Variants in PDSS2 observed in about 807,000 individuals in gnomAD.
PDSS2 encodes all trans-polyprenyl-diphosphate synthase PDSS2.
A neutral mutation model predicts 44.5 loss-of-function variants in PDSS2; 31 were observed. The observed-to-expected ratio is 0.70, with a 90% CI of 0.52 to 0.94. The LOEUF (loss-of-function observed/expected upper bound fraction) is 0.94, where lower values mean the gene tolerates loss of function less well. Among genes scored for constraint, PDSS2 ranks in the 40% least tolerant of loss-of-function variants. PDSS2 has a pLI of 0.00. For missense variants in PDSS2, 452 were observed against 482.2 expected (o/e 0.94, Z 0.59); for synonymous variants, 157 against 180.3 (o/e 0.87, Z 1.03).
At chr6:107,265,235 C>T (rs1357223728) in intron 3 of PDSS2, among the ~76,000 whole-genome samples, 1 of 152,166 alleles carries the variant, frequency 6.6e-6, no homozygotes, top group Admixed American at 6.5e-5. Context: ...GCTAATTTTA[C>T]CCTTGGCAAT....
chr6:107,333,883 A>C (rs537628682), intron 2 of PDSS2, among the ~76,000 whole-genome samples: 1 of 152,272 alleles, frequency 6.6e-6, no homozygotes, highest in Non-Finnish European at 1.5e-5. Context: ...ATCCTGAACT[A>C]AGTGGCACAG....
intron 1 of PDSS2, among the ~76,000 whole-genome samples, chr6:107,417,778 TACAC>T (rs59602150): frequency 0.1 from 14,845 of 146,878 alleles, 1,141 homozygotes; most frequent in African/African-American, 0.2. Context: ...TTAATAATAA[TACAC>T]ACACACACAC....
chr6:107,452,474 C>G (rs1395754837), intron 1 of PDSS2, among the ~76,000 whole-genome samples: 1 of 152,074 alleles, frequency 6.6e-6, no homozygotes, highest in Admixed American at 6.6e-5. Context: ...TCAAGTGATC[C>G]ACCTGCCTCG....
chr6:107,281,805 C>A (rs1375919292), intron 2 of PDSS2, among the ~76,000 whole-genome samples: 1 of 152,174 alleles, frequency 6.6e-6, no homozygotes, highest in Non-Finnish European at 1.5e-5. Flanking sequence ...CTCCCTGCCA[C>A]CCCCTTCCCT....
chr6:107,434,713 T>C (rs1781295855), intron 1 of PDSS2, among the ~76,000 whole-genome samples: 1 of 152,150 alleles, frequency 6.6e-6, no homozygotes, highest in Non-Finnish European at 1.5e-5. Flanking sequence ...TTAACAATTA[T>C]TTACTGTACA....
intron 4 of PDSS2, among the ~76,000 whole-genome samples, chr6:107,231,498 C>T (rs1321044438): frequency 1.3e-5 from 2 of 152,190 alleles, no homozygotes; most frequent in African/African-American, 2.4e-5. Flanking sequence ...TATTTCAACG[C>T]TCCTCCAGCT....
intron 1 of PDSS2, among the ~76,000 whole-genome samples, chr6:107,367,774 G>T (rs1460587154): frequency 2.2e-5 from 3 of 133,762 alleles, no homozygotes; most frequent in Non-Finnish European, 4.6e-5. Flanking sequence ...CTGCACTCCA[G>T]CCTGGGCAAT....
At chr6:107,392,450 T>G (rs1779814562) in intron 1 of PDSS2, among the ~76,000 whole-genome samples, 2 of 152,204 alleles carry the variant, frequency 1.3e-5, no homozygotes, top group South Asian at 4.1e-4. Context: ...TGATCTTTAG[T>G]TCCATGTTCA....
At chr6:107,248,406 C>A (rs1582843656) in intron 3 of PDSS2, among the ~76,000 whole-genome samples, 1 of 149,938 alleles carries the variant, frequency 6.7e-6, no homozygotes, top group Non-Finnish European at 1.5e-5. Context: ...GTTTCTCAGG[C>A]CCATGGGGCA....
intron 2 of PDSS2, among the ~76,000 whole-genome samples, chr6:107,279,466 G>T (rs1252061474): frequency 6.6e-6 from 1 of 152,136 alleles, no homozygotes. Flanking sequence ...AATTCACCAG[G>T]ATGAAATCAA....
chr6:107,349,673 C>T (rs925192989), intron 1 of PDSS2, among the ~76,000 whole-genome samples: 41 of 150,290 alleles, frequency 2.7e-4, no homozygotes, highest in African/African-American at 5.1e-4. Context: ...AGCTTGAACC[C>T]GGGAGGAGGA....
rs1015925211 is a variant in PDSS2, at chr6:107,363,736, T to G, written c.297-29404A>C. On this transcript the variant is annotated intron_variant, in intron 1 of 7. Transcript: ENST00000369037. ...CTGGCCCCACCCACATCCTGCTGAT[T>G]GGTAGAGCCGAGTGGCCTGTTTTGT... Among the ~76,000 whole-genome samples the G allele has an allele frequency of 5.3e-5, 8 of 152,178 alleles. No homozygotes were observed. In the South Asian group the frequency reaches 1.7e-3, roughly 32 times the overall value.
At position 107,190,900 on chromosome 6, in the gene PDSS2, GT is replaced by G. The variant is rs142935402; in HGVS notation, c.1041+2921del. 3.1e-3 allele frequency among the ~76,000 whole-genome samples: 473 copies of G among 151,178 alleles called. 1 individual carries two copies. The highest frequency in any genetic ancestry group is 6.3e-3 in the South Asian group (30 of 4,768). The stretch of plus-strand genomic sequence containing the variant: ...ATAGACAACACAGAGCAATGAAGGG[GT>G]TTTTTTTTGAGACGGAGTCTTGCTC... On this transcript the variant is annotated intron_variant, in intron 7 of 7. Coordinates refer to ENST00000369037, the MANE Select transcript of PDSS2 (RefSeq NM_020381.4).
intron 2 of PDSS2, among the ~76,000 whole-genome samples, chr6:107,293,389 G>A (rs1776408299): frequency 6.6e-6 from 1 of 152,172 alleles, no homozygotes; most frequent in Admixed American, 6.5e-5. Flanking sequence ...TACATGAAAA[G>A]GTTATACAAA....
intron 3 of PDSS2, among the ~76,000 whole-genome samples, chr6:107,270,514 C>T (rs542314794): frequency 7.8e-4 from 119 of 152,258 alleles, no homozygotes; most frequent in Middle Eastern, 3.4e-3. Context: ...GTGACTGTGA[C>T]TATTCAGATA....
intron 1 of PDSS2, among the ~76,000 whole-genome samples, chr6:107,408,234 T>C (rs936909923): frequency 6.6e-6 from 1 of 152,022 alleles, no homozygotes; most frequent in Non-Finnish European, 1.5e-5. Context: ...TTCACCATGT[T>C]GGCTAGGCTG....
At chr6:107,241,206 G>A (rs1274370782) in intron 4 of PDSS2, among the ~76,000 whole-genome samples, 1 of 142,224 alleles carries the variant, frequency 7.0e-6, no homozygotes, top group Non-Finnish European at 1.5e-5. Flanking sequence ...CTGAGATCGC[G>A]CCACTGCACT....
chr6:107,354,936 A>G (rs1189082526), intron 1 of PDSS2, among the ~76,000 whole-genome samples: 1 of 146,218 alleles, frequency 6.8e-6, no homozygotes, highest in African/African-American at 2.5e-5. Flanking sequence ...ACTTTTTTCT[A>G]TTTTTTTTTT....
At chr6:107,241,824 G>A (rs1582834989) in intron 4 of PDSS2, among the ~76,000 whole-genome samples, 2 of 152,210 alleles carry the variant, frequency 1.3e-5, no homozygotes, top group South Asian at 4.1e-4. Flanking sequence ...GACTGCTATT[G>A]TATCCTCTTA....
Sources: allele counts gnomAD v4.1 joint callset (sites outside exome capture counted in the v4.1 genomes callset), GRCh38; gene constraint gnomAD v4.1.1; transcripts MANE v1.5; gene names NCBI Gene and HGNC (gene_info 2026-07-23, HGNC 2026-07-21).